USP49: variants seen among roughly 807,000 people sequenced by gnomAD.
USP49 encodes the protein ubiquitin specific peptidase 49.
In USP49, 24 loss-of-function variants were observed where a neutral mutation model predicts 58.6. The observed-to-expected ratio is 0.41, with a 90% CI of 0.30 to 0.58. USP49 has a LOEUF of 0.58. Among genes scored for constraint, USP49 ranks in the 20% least tolerant of loss-of-function variants. USP49 has a pLI of 0.30. For missense variants in USP49, 703 were observed against 866.1 expected (o/e 0.81, Z 2.36); for synonymous variants, 408 against 365.1 (o/e 1.12, Z -1.34).
chr6:41,822,399 G>A lies in USP49; in HGVS notation c.-28-15388C>T, dbSNP rs528523136. Reference sequence around the variant, plus strand: ...TGGATCCTCAAGATTAGATGCTGGTGTCGGTTATTTTGGTGGTTGTTCTAA... The same window carrying A: ...TGGATCCTCAAGATTAGATGCTGGTATCGGTTATTTTGGTGGTTGTTCTAA... On this transcript the variant is annotated intron_variant, in intron 3 of 7. Coordinates refer to ENST00000682992, the MANE Select transcript of USP49 (RefSeq NM_001286554.2). Among the ~76,000 whole-genome samples, 10 of 152,328 alleles carry A rather than the reference G, an allele frequency of 6.6e-5. No homozygotes were observed. The South Asian group carries it at 2.1e-3, about 32-fold the overall frequency.
chr6:41,855,965 T>C (rs540616748), intron 3 of USP49, among the ~76,000 whole-genome samples: 2 of 152,080 alleles, frequency 1.3e-5, no homozygotes, highest in African/African-American at 4.8e-5. Context: ...GGAGGATCGC[T>C]TGAACCCGGG....
intron 2 of USP49, among the ~76,000 whole-genome samples, chr6:41,878,397 A>T (rs988357318): frequency 1.2e-4 from 19 of 152,332 alleles, no homozygotes; most frequent in Non-Finnish European, 2.6e-4. Flanking sequence ...ATTCCTTCTC[A>T]CCAAAAAATG....
intron 5 of USP49, among the ~76,000 whole-genome samples, chr6:41,801,213 T>G (rs1278819901): frequency 1.3e-5 from 2 of 152,230 alleles, no homozygotes; most frequent in East Asian, 3.8e-4. Flanking sequence ...TATATTAAAT[T>G]GGTAAATGGA....
At chr6:41,882,882 C>G (rs1774637008) in intron 2 of USP49, among the ~76,000 whole-genome samples, 1 of 151,996 alleles carries the variant, frequency 6.6e-6, no homozygotes, top group Admixed American at 6.6e-5. Flanking sequence ...CACCACTGTA[C>G]TCCAGCCTGG....
chr6:41,827,643 G>C (rs1165414146), intron 3 of USP49, among the ~76,000 whole-genome samples: 2 of 130,814 alleles, frequency 1.5e-5, no homozygotes, highest in African/African-American at 5.9e-5. Context: ...CTGGGCAATA[G>C]AGCAAGGGGC....
intron 3 of USP49, among the ~76,000 whole-genome samples, chr6:41,855,405 C>T (rs1169213946): frequency 6.6e-6 from 1 of 151,700 alleles, no homozygotes; most frequent in Non-Finnish European, 1.5e-5. Context: ...ATCCCAGCTA[C>T]CTGAGAGGCT....
intron 3 of USP49, among the ~76,000 whole-genome samples, chr6:41,839,795 A>T (rs568979413): frequency 7.1e-6 from 1 of 140,092 alleles, no homozygotes; most frequent in African/African-American, 2.6e-5. Flanking sequence ...AGCTGTGAGG[A>T]TGCAAAGACA....
Position 41,812,731 on chromosome 6 carries a change from T to C in USP49, c.-28-5720A>G, listed in dbSNP as rs578079741. 3.3e-5 allele frequency among the ~76,000 whole-genome samples: 5 copies of C among 152,244 alleles called. No individual in the cohort carries two copies. In the East Asian group the frequency reaches 9.7e-4, roughly 30 times the overall value. ...TAGTACATTAATCCAGTAAATTGTA[T>C]AGGGATAAAAGACTCTTCATAGAAA... On this transcript the variant is annotated intron_variant, in intron 3 of 7. Coordinates refer to ENST00000682992, the MANE Select transcript of USP49 (RefSeq NM_001286554.2).
intron 3 of USP49, among the ~76,000 whole-genome samples, chr6:41,815,370 A>G (rs1185407446): frequency 6.6e-6 from 1 of 151,864 alleles, no homozygotes. Flanking sequence ...CCAGTGAGCC[A>G]AGATTGCGCC....
chr6:41,866,755 T>G (rs971676124), intron 3 of USP49, among the ~76,000 whole-genome samples: 11 of 150,994 alleles, frequency 7.3e-5, no homozygotes, highest in African/African-American at 2.5e-4. Flanking sequence ...CTGCACATTA[T>G]GTAGCCTCTG....
chr6:41,818,164 CA>C lies in USP49; in HGVS notation c.-28-11154del, dbSNP rs1337149005. Among the ~76,000 whole-genome samples, 10 of 152,206 alleles carry C rather than the reference CA, an allele frequency of 6.6e-5. 1 individual carries two copies. The highest frequency in any genetic ancestry group is 2.4e-4 in the African/African-American group (10 of 41,538). On this transcript the variant is annotated intron_variant, in intron 3 of 7. Transcript: ENST00000682992. Reference sequence around the variant, plus strand: ...CCACCTGTGGTACAAAGCTAATAAGCAAGCTGGCCCTGAAGGGATCAGACTT... The same window carrying C: ...CCACCTGTGGTACAAAGCTAATAAGCAGCTGGCCCTGAAGGGATCAGACTT...
chr6:41,881,058 G>A (rs540613907), intron 2 of USP49, among the ~76,000 whole-genome samples: 11 of 151,632 alleles, frequency 7.3e-5, no homozygotes, highest in African/African-American at 2.4e-4. Context: ...TCAGCCTCCC[G>A]AGTAGCTGGG....
intron 3 of USP49, among the ~76,000 whole-genome samples, chr6:41,833,323 A>C (rs1773669832): frequency 1.3e-5 from 2 of 152,064 alleles, no homozygotes. Flanking sequence ...GCCTTGACAC[A>C]GTATTTCTGT....
At chr6:41,859,684 T>A (rs1774187438) in intron 3 of USP49, among the ~76,000 whole-genome samples, 1 of 152,212 alleles carries the variant, frequency 6.6e-6, no homozygotes, top group East Asian at 1.9e-4. Context: ...TATTAATTGC[T>A]ATGTCTAAGA....
intron 3 of USP49, among the ~76,000 whole-genome samples, chr6:41,837,158 C>A (rs1773742647): frequency 6.6e-6 from 1 of 152,134 alleles, no homozygotes; most frequent in African/African-American, 2.4e-5. Flanking sequence ...CCAACGCAAT[C>A]ATAAGCAAAA....
In USP49 at chr6:41,791,414, T is replaced by C. The variant is rs538776871; in HGVS notation, c.*5119A>G. ...GTGCTAGCCAACTGCATCCAGCCAA[T>C]GTTTCATTTCAACTGGCTTAAATCT... is the stretch of plus-strand genomic sequence containing the variant. On this transcript the variant is annotated 3_prime_UTR_variant, in exon 8 of 8. Coordinates refer to ENST00000682992, the MANE Select transcript of USP49 (RefSeq NM_001286554.2). The C allele has an allele frequency of 1.8e-4, 28 of 152,328 alleles. No homozygotes were observed. The highest frequency in any genetic ancestry group is 1.5e-3 in the Admixed American group (23 of 15,304). 9.4% of individuals were successfully genotyped at this position (152,328 alleles called of 1,614,324 possible). A position where few individuals can be genotyped will look rare whatever the true frequency, so the allele number is the denominator to read the frequency against.
intron 5 of USP49, 26 bp from the exon 6 acceptor site, chr6:41,799,964 C>T (rs1581988603): frequency 3.7e-6 from 6 of 1,606,942 alleles, no homozygotes; most frequent in Non-Finnish European, 5.1e-6. Context: ...AGGTATAAGA[C>T]ATAGGTTGTG....
At chr6:41,893,099 A>C (rs1304800440) in intron 1 of USP49, among the ~76,000 whole-genome samples, 1 of 152,220 alleles carries the variant, frequency 6.6e-6, no homozygotes, top group East Asian at 1.9e-4. Flanking sequence ...AGCTGTCCAA[A>C]GACCAAGCTT....
At position 41,806,521 on chromosome 6, in the gene USP49, G is replaced by A; in HGVS notation, c.463C>T (p.Leu155=). ...GAGCTCTTCTCGAACCACAGCCGCA[G>A]CGTCCTGGCCAGCAGGCGCTGACGC... ...YRRQRLLART[L]RLWFEKSSRG... The change falls in exon 4 of 8, where the codon CTG becomes TTG. Residue 155 remains leucine, a synonymous_variant. Coordinates refer to ENST00000682992, the MANE Select transcript of USP49 (RefSeq NM_001286554.2). The surrounding 1 kb of genome is among the most constrained non-coding windows in gnomAD (Gnocchi z 5.9). The A allele has an allele frequency of 1.3e-6, 2 of 1,599,612 alleles. No individual in the cohort carries two copies. Among genetic ancestry groups the A allele is most frequent in the Non-Finnish European group, 1.7e-6 (2 of 1,179,424 alleles).
Sources: gnomAD v4.1 joint callset for allele counts (sites outside exome capture counted in the v4.1 genomes callset) on GRCh38, gnomAD v4.1.1 for gene constraint, Gnocchi (gnomAD v3.1) non-coding constraint, MANE v1.5 for transcripts, NCBI Gene and HGNC (gene_info 2026-07-23, HGNC 2026-07-21) for gene names.